Variants in CAB39L observed in about 807,000 individuals in gnomAD.
CAB39L encodes the protein calcium-binding protein 39-like.
In CAB39L, 23 loss-of-function variants were observed where a neutral mutation model predicts 39.1. The ratio of observed to expected loss-of-function variants is 0.59; its 90% CI spans 0.42 to 0.83. The LOEUF (loss-of-function observed/expected upper bound fraction) is 0.83. CAB39L is among the 40% of genes least tolerant of loss of function. CAB39L has a pLI of 0.00. For missense variants in CAB39L, 366 were observed against 391.9 expected (o/e 0.93, Z 0.56); for synonymous variants, 126 against 137.2 (o/e 0.92, Z 0.57).
intron 1 of CAB39L, 27 bp downstream of exon 1, chr13:49,443,959 C>T (rs1241291200): frequency 4.4e-6 from 2 of 456,804 alleles, no homozygotes; most frequent in South Asian, 1.5e-5. Context: ...GTCCCAGCCA[C>T]ACACAAGATG....
At chr13:49,361,385 G>C (rs1955623816) in intron 5 of CAB39L, among the ~76,000 whole-genome samples, 1 of 141,910 alleles carries the variant, frequency 7.0e-6, no homozygotes, top group Admixed American at 7.6e-5. Flanking sequence ...GGCTGAGGTA[G>C]AAGAATTGCT....
At chr13:49,435,852 C>T (rs1566141118) in intron 1 of CAB39L, among the ~76,000 whole-genome samples, 1 of 152,092 alleles carries the variant, frequency 6.6e-6, no homozygotes, top group Admixed American at 6.6e-5. Flanking sequence ...ATATCTTTGG[C>T]CCATTTTCCT....
chr13:49,358,095 T>C (rs1173994307), intron 6 of CAB39L, among the ~76,000 whole-genome samples: 1 of 152,200 alleles, frequency 6.6e-6, no homozygotes, highest in Non-Finnish European at 1.5e-5. Flanking sequence ...ATGAGAAATA[T>C]ACTTATCTTG....
chr13:49,330,673 A>G (rs941671153), intron 10 of CAB39L, among the ~76,000 whole-genome samples: 2 of 149,788 alleles, frequency 1.3e-5, no homozygotes, highest in African/African-American at 4.9e-5. Flanking sequence ...AAAAATATTT[A>G]TTTTTTTATT....
rs1426964716 is a variant in CAB39L at position 49,309,106 on chromosome 13, A to C, written c.*1708T>G. 2.0e-5 allele frequency: 3 copies of C among 152,212 alleles called. No individual in the cohort carries two copies. The highest frequency in any genetic ancestry group is 7.2e-5 in the African/African-American group (3 of 41,432). The allele number at this position is 152,212 out of a possible 1,614,324, so 9.4% of individuals were successfully genotyped here. ...TTAATTAAATAAGCGAAACCAGAAA[A>C]GTGCAATTCGAAGGGACTCTGAACT... On this transcript the variant is annotated 3_prime_UTR_variant, in exon 11 of 11. Transcript: ENST00000409308.
intron 5 of CAB39L, among the ~76,000 whole-genome samples, chr13:49,375,735 T>C (rs889299151): frequency 1.3e-5 from 2 of 151,450 alleles, no homozygotes; most frequent in African/African-American, 2.4e-5. Flanking sequence ...ACATGGCACA[T>C]GTATACATAT....
At chr13:49,329,534 T>A (rs1593918478) in intron 10 of CAB39L, among the ~76,000 whole-genome samples, 3 of 17,398 alleles carry the variant, frequency 1.7e-4, no homozygotes, top group African/African-American at 8.6e-4. Context: ...TCTCTTCAAT[T>A]AAAAAAAAAA....
intron 7 of CAB39L, among the ~76,000 whole-genome samples, chr13:49,350,335 A>AG (rs562890327): frequency 2.0e-4 from 30 of 152,310 alleles, no homozygotes; most frequent in Admixed American, 1.2e-3. Flanking sequence ...TTCACTACCT[A>AG]GTTCCTTTCC....
intron 6 of CAB39L, chr13:49,351,164 G>A (rs1049327788): frequency 9.3e-6 from 3 of 324,058 alleles, no homozygotes; most frequent in Non-Finnish European, 1.7e-5. Context: ...GTGGGGGGAT[G>A]AGGCAGAATG....
intron 3 of CAB39L, among the ~76,000 whole-genome samples, chr13:49,406,333 A>ATTTTTTTTTTTTTTTTTTTTTT: frequency 1.1e-5 from 1 of 90,632 alleles, no homozygotes; most frequent in Non-Finnish European, 2.2e-5. Flanking sequence ...ATGCCCAGCT[A>ATTTTTTTTTTTTTTTTTTTTTT]TTTTTTTTTT....
At chr13:49,339,600 C>T in intron 9 of CAB39L, 77 bp downstream of exon 9, 1 of 1,362,884 alleles carries the variant, frequency 7.3e-7, no homozygotes, top group Non-Finnish European at 9.6e-7. Flanking sequence ...TGTGTTTACT[C>T]ATATACTAAT....
At chr13:49,427,402 C>T (rs1957260741) in intron 3 of CAB39L, among the ~76,000 whole-genome samples, 1 of 152,140 alleles carries the variant, frequency 6.6e-6, no homozygotes, top group Non-Finnish European at 1.5e-5. Flanking sequence ...TGTTGCTGGG[C>T]ACCATGGCTC....
chr13:49,439,771 C>T (rs761565991), intron 1 of CAB39L, among the ~76,000 whole-genome samples: 7 of 152,234 alleles, frequency 4.6e-5, no homozygotes, highest in Admixed American at 1.3e-4. Flanking sequence ...TTAGTAAGAG[C>T]CATTCTGACT....
chr13:49,440,602 C>T (rs899008407), intron 1 of CAB39L, among the ~76,000 whole-genome samples: 2 of 151,828 alleles, frequency 1.3e-5, no homozygotes, highest in African/African-American at 4.8e-5. Flanking sequence ...TTCTTCCAAT[C>T]CATGAGCATG....
chr13:49,375,265 G>A (rs1956024085), intron 5 of CAB39L, among the ~76,000 whole-genome samples: 1 of 152,046 alleles, frequency 6.6e-6, no homozygotes, highest in African/African-American at 2.4e-5. Context: ...AGCTCAAAGA[G>A]GTTAAGTTAC....
intron 3 of CAB39L, among the ~76,000 whole-genome samples, chr13:49,423,067 T>C (rs922359124): frequency 2.0e-5 from 3 of 152,006 alleles, no homozygotes; most frequent in African/African-American, 7.2e-5. Context: ...GTGATACAGC[T>C]TGGGTGAGGA....
At chr13:49,356,742 A>G (rs1326288222) in intron 6 of CAB39L, among the ~76,000 whole-genome samples, 1 of 152,200 alleles carries the variant, frequency 6.6e-6, no homozygotes, top group Admixed American at 6.5e-5. Context: ...AGAAGGGCTA[A>G]ATCTCTAGCA....
intron 9 of CAB39L, among the ~76,000 whole-genome samples, chr13:49,339,288 G>A (rs935697973): frequency 4.0e-5 from 6 of 151,808 alleles, no homozygotes; most frequent in African/African-American, 9.7e-5. Flanking sequence ...CCACCACCAC[G>A]CCCAGCTAAT....
intron 8 of CAB39L, among the ~76,000 whole-genome samples, chr13:49,341,846 T>C (rs569188683): frequency 6.6e-6 from 1 of 152,154 alleles, no homozygotes. Flanking sequence ...ATGTACCCCA[T>C]AAACATGTAT....
Sources: allele counts gnomAD v4.1 joint callset (sites outside exome capture counted in the v4.1 genomes callset), GRCh38; gene constraint gnomAD v4.1.1; transcripts MANE v1.5; gene names NCBI Gene and HGNC (gene_info 2026-07-23, HGNC 2026-07-21).